Variants in PCNX2 observed in about 807,000 individuals in gnomAD.
The protein encoded by PCNX2 is pecanex-like protein 2.
A neutral mutation model predicts 223.8 loss-of-function variants in PCNX2; 168 were observed. The ratio of observed to expected loss-of-function variants is 0.75; its 90% CI spans 0.66 to 0.85. The LOEUF (loss-of-function observed/expected upper bound fraction) is 0.85, where lower values mean the gene tolerates loss of function less well. PCNX2 is among the 40% of genes least tolerant of loss of function. The probability of loss-of-function intolerance (pLI) is 0.00; values close to 1 mark genes in which losing one functional copy is unlikely to be tolerated. For missense variants in PCNX2, 2,507 were observed against 2,675.5 expected, an observed-to-expected ratio of 0.94 and a Z score of 1.39; for synonymous variants, 1,006 against 1,052.6, an observed-to-expected ratio of 0.96 and a Z score of 0.86.
chr1:233,293,096 A>G (rs1455281054), intron 1 of PCNX2, among the ~76,000 whole-genome samples: 2 of 152,216 alleles, frequency 1.3e-5, no homozygotes, highest in South Asian at 2.1e-4. Flanking sequence ...GCTACTCAAT[A>G]AAGCATAGTT....
At chr1:232,996,072 G>A (rs1181950774) in intron 32 of PCNX2, among the ~76,000 whole-genome samples, 1 of 152,112 alleles carries the variant, frequency 6.6e-6, no homozygotes, top group Admixed American at 6.5e-5. Context: ...ATGTTGGCCA[G>A]GCTGGTCTTG....
chr1:232,986,627 TG>T (rs1669498677), intron 32 of PCNX2, 87 bp from the exon 33 acceptor site: 1 of 1,299,158 alleles, frequency 7.7e-7, no homozygotes, highest in Non-Finnish European at 1.0e-6. Flanking sequence ...CTGCTCTGCC[TG>T]GGCCCAAGGA....
chr1:233,145,229 G>T (rs1053289834), intron 19 of PCNX2, among the ~76,000 whole-genome samples: 10 of 152,194 alleles, frequency 6.6e-5, no homozygotes, highest in Admixed American at 6.5e-4. Context: ...GACTCCCAAA[G>T]TGTTGGGATT....
chr1:233,155,152 A>G (rs186630477), intron 19 of PCNX2, among the ~76,000 whole-genome samples: 102 of 151,460 alleles, frequency 6.7e-4, no homozygotes, highest in African/African-American at 2.4e-3. Context: ...TTCAATAGGC[A>G]CTATCATAGT....
At chr1:233,081,643 G>T (rs1320025905) in intron 23 of PCNX2, among the ~76,000 whole-genome samples, 1 of 152,214 alleles carries the variant, frequency 6.6e-6, no homozygotes, top group Non-Finnish European at 1.5e-5. Flanking sequence ...TGAAGACAGG[G>T]ACTCCATTCT....
chr1:233,090,119 T>C lies in PCNX2; in HGVS notation c.4018A>G (p.Ser1340Gly), dbSNP rs1192585797. The part of the protein sequence containing the change: ...FSTPLSPFLG[S>G]VIFITSYVRP... Reference sequence around the variant, plus strand: ...ACATATGATGTGATGAAAATGACACTCCCAAGAAATGGGCTCAATGGGGTA... The same window carrying C: ...ACATATGATGTGATGAAAATGACACCCCCAAGAAATGGGCTCAATGGGGTA... Residue 1340 changes from serine to glycine, a missense_variant, in exon 23 of 34, where the codon AGT becomes GGT. Coordinates refer to ENST00000258229, the MANE Select transcript of PCNX2 (RefSeq NM_014801.4). 1 of 1,613,598 alleles carries C rather than the reference T, an allele frequency of 6.2e-7. No homozygotes were observed. Among genetic ancestry groups the C allele is most frequent in the African/African-American group, 1.3e-5 (1 of 74,830 alleles).
intron 26 of PCNX2, chr1:233,019,066 A>G (rs1195688885): frequency 1.9e-5 from 19 of 985,214 alleles, no homozygotes; most frequent in Non-Finnish European, 2.3e-5. Context: ...CCTCAAGTTT[A>G]CTTGGGTATC....
intron 23 of PCNX2, 92 bp from the exon 24 acceptor site, chr1:233,057,382 G>T: frequency 1.0e-6 from 1 of 967,362 alleles, no homozygotes; most frequent in Non-Finnish European, 1.6e-6. Flanking sequence ...AGTGGAAAAT[G>T]CAAAGGTGAC....
chr1:233,173,797 A>G (rs553599995), intron 17 of PCNX2, among the ~76,000 whole-genome samples: 25 of 152,144 alleles, frequency 1.6e-4, no homozygotes, highest in African/African-American at 5.5e-4. Context: ...TCCATTATCA[A>G]TTCAGACATT....
chr1:233,005,803 A>G (rs536922814), intron 28 of PCNX2, among the ~76,000 whole-genome samples: 2 of 152,302 alleles, frequency 1.3e-5, no homozygotes, highest in South Asian at 2.1e-4. Context: ...TCAAAGCTCT[A>G]TGGAGAAATG....
intron 21 of PCNX2, among the ~76,000 whole-genome samples, chr1:233,098,497 T>G (rs745755349): frequency 2.0e-5 from 3 of 152,172 alleles, no homozygotes; most frequent in Non-Finnish European, 4.4e-5. Flanking sequence ...GTTCTTTTCC[T>G]ATGACTCTCT....
At chr1:233,325,301 T>G in the PCNX2 span, among the ~76,000 whole-genome samples, 2 of 152,054 alleles carry the variant, frequency 1.3e-5, no homozygotes, top group Non-Finnish European at 2.9e-5. Flanking sequence ...ACTGAGAAGT[T>G]CACGACTTCA....
intron 1 of PCNX2, among the ~76,000 whole-genome samples, chr1:233,277,628 G>C (rs75378118): frequency 6.6e-5 from 10 of 152,306 alleles, no homozygotes; most frequent in Non-Finnish European, 1.5e-4. Flanking sequence ...TTGGCGTCAA[G>C]GCAGTCCAAT....
Position 233,057,257 on chromosome 1 carries a change from C to T in PCNX2, c.4110G>A (p.Leu1370=). ...TRRVDNSNTR[L]AVQIERDPGN... The stretch of plus-strand genomic sequence containing the variant: ...CTGGATCTCTTTCAATTTGGACTGC[C>T]AGTCTTGTGTTGGAATTATCCACTC... The change falls in exon 24 of 34, where the codon CTG becomes CTA. Residue 1370 remains leucine (L), a synonymous_variant. Coordinates refer to ENST00000258229, the MANE Select transcript of PCNX2 (RefSeq NM_014801.4). The T allele has an allele frequency of 1.2e-6, 2 of 1,610,172 alleles. No individual in the cohort carries two copies. The highest frequency in any genetic ancestry group is 1.7e-6 in the Non-Finnish European group (2 of 1,177,632).
At chr1:233,290,654 T>A (rs1661708585) in intron 1 of PCNX2, 1 of 776,102 alleles carries the variant, frequency 1.3e-6, no homozygotes, top group South Asian at 5.9e-5. Flanking sequence ...GTTGGGTGCT[T>A]ACTATTTGCC....
At chr1:233,198,558 C>T (rs78420731) in intron 15 of PCNX2, among the ~76,000 whole-genome samples, 1,986 of 152,278 alleles carry the variant, frequency 0.013, 22 homozygotes, top group South Asian at 0.038. Context: ...CTCTTCTGTC[C>T]TCTTGTCTAT....
At chr1:233,054,221 C>T (rs747912670) in intron 25 of PCNX2, 47 bp downstream of exon 25, 15 of 1,546,110 alleles carry the variant, frequency 9.7e-6, no homozygotes, top group Non-Finnish European at 1.8e-6. Flanking sequence ...TGATAATTAA[C>T]TCAAGCAACC....
chr1:233,022,250 T>C (rs1395212991), intron 26 of PCNX2, among the ~76,000 whole-genome samples: 5 of 152,200 alleles, frequency 3.3e-5, no homozygotes, highest in Non-Finnish European at 7.3e-5. Context: ...TCCAAATCCA[T>C]GTTCCCCAGA....
the PCNX2 span, among the ~76,000 whole-genome samples, chr1:233,325,707 T>C: frequency 6.6e-6 from 1 of 151,988 alleles, no homozygotes; most frequent in African/African-American, 2.4e-5. Flanking sequence ...TTGCTTCTTA[T>C]GGAGAGGCAA....
Sources: allele counts gnomAD v4.1 joint callset (sites outside exome capture counted in the v4.1 genomes callset), GRCh38; gene constraint gnomAD v4.1.1; transcripts MANE v1.5; gene names NCBI Gene and HGNC (gene_info 2026-07-23, HGNC 2026-07-21).